Variants in SYT1 observed in about 807,000 individuals in gnomAD.
SYT1 encodes synaptotagmin-1.
SYT1 carries 8 observed loss-of-function variants against 44.8 expected under a neutral mutation model. The ratio of observed to expected loss-of-function variants is 0.18; its 90% confidence interval spans 0.10 to 0.32. SYT1 has a LOEUF of 0.32. Among genes scored for constraint, SYT1 ranks in the 10% least tolerant of loss-of-function variants. The probability of loss-of-function intolerance (pLI) is 1.00; values close to 1 mark genes in which losing one functional copy is unlikely to be tolerated. For missense variants in SYT1, 286 were observed against 509.3 expected (o/e 0.56, Z 4.22); for synonymous variants, 154 against 188.8 (o/e 0.82, Z 1.51).
intron 4 of SYT1, among the ~76,000 whole-genome samples, chr12:79,218,031 C>A (rs1163917477): frequency 1.3e-5 from 2 of 151,882 alleles, no homozygotes; most frequent in Non-Finnish European, 2.9e-5. Context: ...GAAATTATTT[C>A]ATTGCAAAGA....
At chr12:79,448,423 C>T (rs1236399318) in intron 10 of SYT1, among the ~76,000 whole-genome samples, 2 of 152,154 alleles carry the variant, frequency 1.3e-5, no homozygotes, top group African/African-American at 4.8e-5. Context: ...GCTGTCCCCC[C>T]ACCCTTAAAA....
chr12:79,074,780 A>G (rs893768089), intron 3 of SYT1, among the ~76,000 whole-genome samples: 3 of 152,106 alleles, frequency 2.0e-5, no homozygotes, highest in African/African-American at 7.2e-5. Context: ...CTTGGGCTTC[A>G]TTCAAGCCCA....
chr12:79,303,758 A>G (rs1880258545), intron 8 of SYT1, among the ~76,000 whole-genome samples: 1 of 152,228 alleles, frequency 6.6e-6, no homozygotes, highest in Non-Finnish European at 1.5e-5. Context: ...TATTCAATCA[A>G]ATGGCAACAG....
At chr12:79,360,706 A>T (rs1018274475) in intron 9 of SYT1, among the ~76,000 whole-genome samples, 1 of 152,212 alleles carries the variant, frequency 6.6e-6, no homozygotes, top group Non-Finnish European at 1.5e-5. Context: ...CTTCATCATA[A>T]TTTTAGGCAT....
At chr12:79,133,908 G>A (rs1427925130) in intron 3 of SYT1, among the ~76,000 whole-genome samples, 1 of 152,180 alleles carries the variant, frequency 6.6e-6, no homozygotes, top group African/African-American at 2.4e-5. Context: ...TGAGGAGAAA[G>A]GCCTAGATAG....
At chr12:79,117,697 ATATATATATATATAT>A (rs1879367948) in intron 3 of SYT1, among the ~76,000 whole-genome samples, 1 of 88,636 alleles carries the variant, frequency 1.1e-5, no homozygotes, top group Non-Finnish European at 2.4e-5. Context: ...ATATATATAT[ATATATATATATATAT>A]ATAAAATAAA....
chr12:79,133,058 G>C (rs1479261459), intron 3 of SYT1, among the ~76,000 whole-genome samples: 1 of 152,164 alleles, frequency 6.6e-6, no homozygotes, highest in East Asian at 1.9e-4. Flanking sequence ...CATGGAGGAA[G>C]AGAATAGAAT....
chr12:79,433,852 C>T (rs1462133041), intron 9 of SYT1, among the ~76,000 whole-genome samples: 1 of 152,100 alleles, frequency 6.6e-6, no homozygotes, highest in East Asian at 1.9e-4. Context: ...TTGTACTTGC[C>T]CCTCTACTAA....
At chr12:79,236,648 A>G (rs1288824823) in intron 4 of SYT1, among the ~76,000 whole-genome samples, 2 of 152,300 alleles carry the variant, frequency 1.3e-5, no homozygotes, top group South Asian at 2.1e-4. Flanking sequence ...GTAGAGGTTG[A>G]CCCATTCCTA....
At chr12:79,433,186 C>G (rs1869899350) in intron 9 of SYT1, among the ~76,000 whole-genome samples, 1 of 152,080 alleles carries the variant, frequency 6.6e-6, no homozygotes, top group African/African-American at 2.4e-5. Context: ...CAAGTGCGTT[C>G]AAGGAATAGA....
At chr12:79,239,378 C>G (rs1050268286) in intron 4 of SYT1, among the ~76,000 whole-genome samples, 2 of 152,136 alleles carry the variant, frequency 1.3e-5, no homozygotes, top group South Asian at 2.1e-4. Flanking sequence ...GAGAAGCCAA[C>G]GGACACATGA....
At chr12:79,278,554 A>G (rs1417118510) in intron 4 of SYT1, among the ~76,000 whole-genome samples, 3 of 152,088 alleles carry the variant, frequency 2.0e-5, no homozygotes, top group African/African-American at 7.2e-5. Context: ...ATGCCTACAC[A>G]AAAAAGACAG....
intron 4 of SYT1, among the ~76,000 whole-genome samples, chr12:79,244,637 G>A (rs1876711460): frequency 6.6e-6 from 1 of 151,592 alleles, no homozygotes; most frequent in South Asian, 2.1e-4. Flanking sequence ...CCAGGAGGCA[G>A]AGGTTGCAGT....
intron 9 of SYT1, among the ~76,000 whole-genome samples, chr12:79,365,716 A>G (rs1883511944): frequency 6.6e-6 from 1 of 151,708 alleles, no homozygotes; most frequent in African/African-American, 2.4e-5. Flanking sequence ...ACATTTATAC[A>G]ATGTCATTAT....
intron 2 of SYT1, among the ~76,000 whole-genome samples, chr12:79,040,848 C>T (rs997443737): frequency 1.5e-4 from 22 of 150,884 alleles, no homozygotes; most frequent in Non-Finnish European, 7.4e-5. Flanking sequence ...ATATGGCTAG[C>T]CAGTTTTCCC....
At chr12:79,320,507 C>A (rs1342635056) in intron 8 of SYT1, among the ~76,000 whole-genome samples, 2 of 152,056 alleles carry the variant, frequency 1.3e-5, no homozygotes, top group African/African-American at 4.8e-5. Context: ...AATCTTGGAG[C>A]ATAACTAGTC....
chr12:79,235,724 G>A (rs1281139661), intron 4 of SYT1, among the ~76,000 whole-genome samples: 1 of 150,824 alleles, frequency 6.6e-6, no homozygotes, highest in Non-Finnish European at 1.5e-5. Context: ...ACAAATATGA[G>A]CAAAATATTT....
chr12:79,016,023 T>C (rs1306853782), intron 2 of SYT1, among the ~76,000 whole-genome samples: 1 of 152,106 alleles, frequency 6.6e-6, no homozygotes, highest in East Asian at 1.9e-4. Context: ...CAAATCAAGA[T>C]TAATAAGGTC....
chr12:79,093,010 G>A (rs1295094122), intron 3 of SYT1, among the ~76,000 whole-genome samples: 3 of 151,618 alleles, frequency 2.0e-5, no homozygotes, highest in African/African-American at 4.8e-5. Flanking sequence ...TGGAATACAT[G>A]TGAATAACAT....
Sources: allele counts gnomAD v4.1 joint callset (sites outside exome capture counted in the v4.1 genomes callset), GRCh38; gene constraint gnomAD v4.1.1; transcripts MANE v1.5; gene names NCBI Gene and HGNC (gene_info 2026-07-23, HGNC 2026-07-21).